SGCD: variants seen among roughly 807,000 people sequenced by gnomAD.
SGCD encodes the protein sarcoglycan delta.
A neutral mutation model predicts 36.6 loss-of-function variants in SGCD; 18 were observed. The observed-to-expected ratio is 0.49, with a 90% confidence interval of 0.34 to 0.73. SGCD has a LOEUF of 0.73. Among genes scored for constraint, SGCD ranks in the 30% least tolerant of loss-of-function variants. SGCD has a pLI of 0.01. For synonymous variants in SGCD, 133 were observed against 130.6 expected (o/e 1.02, Z -0.12); for missense variants, 387 against 346.7 (o/e 1.12, Z -0.92).
At chr5:155,837,639 G>T in the SGCD span, among the ~76,000 whole-genome samples, 34 of 152,258 alleles carry the variant, frequency 2.2e-4, no homozygotes, top group Admixed American at 3.3e-4. Flanking sequence ...ACATGCACAA[G>T]CCCCTTCAGG....
chr5:156,486,346 G>A (rs1198084161), intron 3 of SGCD, among the ~76,000 whole-genome samples: 6 of 151,962 alleles, frequency 3.9e-5, no homozygotes, highest in African/African-American at 1.2e-4. Context: ...AGACTGAAGT[G>A]GGCACTTCCA....
the SGCD span, among the ~76,000 whole-genome samples, chr5:155,825,893 C>T: frequency 1.3e-5 from 2 of 151,994 alleles, no homozygotes; most frequent in Non-Finnish European, 2.9e-5. Flanking sequence ...GGATTACAGG[C>T]ACCTGCCACC....
chr5:156,286,795 C>T (rs536685522), intron 3 of SGCD, among the ~76,000 whole-genome samples: 10 of 151,802 alleles, frequency 6.6e-5, no homozygotes, highest in African/African-American at 2.4e-4. Flanking sequence ...GCACGTTGTG[C>T]ACATGTACCC....
chr5:156,717,213 G>A (rs1015323685), intron 7 of SGCD, among the ~76,000 whole-genome samples: 1 of 152,192 alleles, frequency 6.6e-6, no homozygotes, highest in Non-Finnish European at 1.5e-5. Context: ...CTCAAAGAGA[G>A]AGAAACACTG....
the SGCD span, among the ~76,000 whole-genome samples, chr5:155,821,123 CTAAT>C: frequency 2.2e-4 from 33 of 152,248 alleles, no homozygotes; most frequent in Admixed American, 1.4e-3. Context: ...TAGAACAACT[CTAAT>C]TACCCAGCAT....
chr5:156,258,423 T>C (rs1245625581), intron 3 of SGCD, among the ~76,000 whole-genome samples: 1 of 152,236 alleles, frequency 6.6e-6, no homozygotes, highest in Non-Finnish European at 1.5e-5. Flanking sequence ...TGAACTTTAA[T>C]GTAATTGAGT....
At chr5:155,922,888 C>T (rs1362208193) in intron 1 of SGCD, among the ~76,000 whole-genome samples, 1 of 152,124 alleles carries the variant, frequency 6.6e-6, no homozygotes, top group East Asian at 1.9e-4. Context: ...CAATCAATGC[C>T]CACTGAAAAA....
intron 4 of SGCD, among the ~76,000 whole-genome samples, chr5:156,528,645 T>C (rs72801134): frequency 0.017 from 2,547 of 152,214 alleles, 36 homozygotes; most frequent in Non-Finnish European, 0.026. Flanking sequence ...TGTGAGGCCA[T>C]GAGGGAGTAA....
intron 3 of SGCD, among the ~76,000 whole-genome samples, chr5:156,491,441 C>G (rs2127849747): frequency 6.6e-6 from 1 of 152,158 alleles, no homozygotes; most frequent in East Asian, 1.9e-4. Flanking sequence ...TCAAAATGTA[C>G]TACAAAGCTG....
At chr5:155,789,797 A>T in the SGCD span, among the ~76,000 whole-genome samples, 1 of 152,252 alleles carries the variant, frequency 6.6e-6, no homozygotes, top group Admixed American at 6.5e-5. Flanking sequence ...TTCATAGATA[A>T]GAATTCAGAG....
chr5:156,165,438 C>G (rs897216535), intron 3 of SGCD, among the ~76,000 whole-genome samples: 1 of 152,170 alleles, frequency 6.6e-6, no homozygotes, highest in African/African-American at 2.4e-5. Flanking sequence ...CCTATATTCC[C>G]TATGAAAGGT....
intron 4 of SGCD, among the ~76,000 whole-genome samples, chr5:156,566,120 G>A (rs1311389541): frequency 3.3e-5 from 5 of 152,122 alleles, no homozygotes; most frequent in Non-Finnish European, 7.3e-5. Context: ...GGTCATTAGA[G>A]AAATGCAAAT....
chr5:155,846,263 A>G, the SGCD span, among the ~76,000 whole-genome samples: 6,759 of 152,340 alleles, frequency 0.044, 321 homozygotes, highest in African/African-American at 0.12. Flanking sequence ...TTAAGTTAGC[A>G]TACAAATTAC....
chr5:156,143,070 T>C (rs1762614988), intron 3 of SGCD, among the ~76,000 whole-genome samples: 1 of 152,198 alleles, frequency 6.6e-6, no homozygotes, highest in Non-Finnish European at 1.5e-5. Context: ...CATGGGCCAG[T>C]TCCAAGGCCC....
At chr5:156,292,910 T>C (rs1766796677) in intron 3 of SGCD, among the ~76,000 whole-genome samples, 1 of 152,134 alleles carries the variant, frequency 6.6e-6, no homozygotes, top group Non-Finnish European at 1.5e-5. Flanking sequence ...TGGAGAAATG[T>C]CTGTTTGTGC....
At chr5:156,585,644 C>T (rs1472958173) in intron 4 of SGCD, among the ~76,000 whole-genome samples, 1 of 152,068 alleles carries the variant, frequency 6.6e-6, no homozygotes, top group East Asian at 1.9e-4. Flanking sequence ...TGTGAGAGGA[C>T]CCATGGACTA....
the SGCD span, among the ~76,000 whole-genome samples, chr5:155,745,409 A>T: frequency 6.6e-6 from 1 of 152,056 alleles, no homozygotes; most frequent in African/African-American, 2.4e-5. Flanking sequence ...CTCCTAAGAT[A>T]CTCTATAATC....
chr5:156,672,237 C>T lies in SGCD; in HGVS notation c.575+24701C>T, dbSNP rs1339166717. On this transcript the variant is annotated intron_variant, in intron 7 of 8. Coordinates refer to ENST00000337851, the MANE Select transcript of SGCD (RefSeq NM_000337.6). ...ATATTGGAGTGTTGGAGGTTTCACTCTTAAATATGTAAGTTTTCATATAAT... is the reference window on the plus strand; with the variant it reads ...ATATTGGAGTGTTGGAGGTTTCACTTTTAAATATGTAAGTTTTCATATAAT... Among the ~76,000 whole-genome samples, 3 of 152,174 alleles carry T rather than the reference C, an allele frequency of 2.0e-5. No individual in the cohort carries two copies. The East Asian group carries it at 5.8e-4, about 29-fold the overall frequency.
In SGCD at chr5:156,563,363, T is replaced by A. The variant is rs78839775; in HGVS notation, c.295-25868T>A. Reference sequence around the variant, plus strand: ...ATGAGATAGGTATAATCATTAACACTTTTTAACCGATAATTAGTCTGAGAC... The same window carrying A: ...ATGAGATAGGTATAATCATTAACACATTTTAACCGATAATTAGTCTGAGAC... On this transcript the variant is annotated intron_variant, in intron 4 of 8. Coordinates refer to ENST00000337851, the MANE Select transcript of SGCD (RefSeq NM_000337.6). Among the ~76,000 whole-genome samples, 1,907 of 152,230 alleles carry A rather than the reference T, an allele frequency of 0.013. 92 individuals are homozygous for A. In the East Asian group the frequency reaches 0.17, roughly 13 times the overall value.
Sources: gnomAD v4.1 joint callset for allele counts (sites outside exome capture counted in the v4.1 genomes callset) on GRCh38, gnomAD v4.1.1 for gene constraint, MANE v1.5 for transcripts, NCBI Gene and HGNC (gene_info 2026-07-23, HGNC 2026-07-21) for gene names.